Variants in CCSER1 observed in about 807,000 individuals in gnomAD.
CCSER1 encodes serine-rich coiled-coil domain-containing protein 1.
A neutral mutation model predicts 82.0 loss-of-function variants in CCSER1; 41 were observed. The observed-to-expected ratio is 0.50, with a 90% confidence interval of 0.39 to 0.65. The LOEUF (loss-of-function observed/expected upper bound fraction) is 0.65, where lower values mean the gene tolerates loss of function less well. CCSER1 is among the 30% of genes least tolerant of loss of function. CCSER1 has a pLI of 0.00. For synonymous variants in CCSER1, 414 were observed against 383.9 expected, an observed-to-expected ratio of 1.08 and a Z score of -0.92; for missense variants, 1,119 against 1,064.2, an observed-to-expected ratio of 1.05 and a Z score of -0.72.
At chr4:90,650,211 C>A in intron 6 of CCSER1, among the ~76,000 whole-genome samples, 1 of 149,678 alleles carries the variant, frequency 6.7e-6, no homozygotes, top group Admixed American at 6.6e-5. Context: ...AGCAAGACTC[C>A]GTCTCAAAAA....
chr4:90,681,889 TG>T (rs1733955378), intron 6 of CCSER1, among the ~76,000 whole-genome samples: 1 of 152,080 alleles, frequency 6.6e-6, no homozygotes, highest in Non-Finnish European at 1.5e-5. Flanking sequence ...TTTACCACCT[TG>T]GGAAATATAA....
chr4:91,422,844 T>G (rs1485145519), intron 10 of CCSER1, among the ~76,000 whole-genome samples: 2 of 152,162 alleles, frequency 1.3e-5, no homozygotes, highest in Non-Finnish European at 2.9e-5. Context: ...TCTATAACAG[T>G]AAAGCAGCTG....
chr4:90,265,790 G>A (rs1330061709), intron 1 of CCSER1, among the ~76,000 whole-genome samples: 2 of 152,058 alleles, frequency 1.3e-5, no homozygotes, highest in South Asian at 2.1e-4. Context: ...GGTCATAATT[G>A]TATTTCATTT....
At chr4:90,474,002 G>T (rs559316719) in intron 5 of CCSER1, among the ~76,000 whole-genome samples, 9 of 152,150 alleles carry the variant, frequency 5.9e-5, no homozygotes, top group Non-Finnish European at 8.8e-5. Context: ...TTAGCTGGGC[G>T]TGGTGGCGCA....
At chr4:90,844,756 T>A (rs1007897039) in intron 8 of CCSER1, among the ~76,000 whole-genome samples, 1 of 152,166 alleles carries the variant, frequency 6.6e-6, no homozygotes, top group Non-Finnish European at 1.5e-5. Flanking sequence ...TATATGCCTA[T>A]GGTTAATATC....
chr4:90,145,018 C>T (rs991549295), intron 1 of CCSER1, among the ~76,000 whole-genome samples: 1 of 152,006 alleles, frequency 6.6e-6, no homozygotes, highest in Non-Finnish European at 1.5e-5. Context: ...TTCTGGCTAC[C>T]TATAGTTTAA....
chr4:90,399,849 T>C (rs1248922885), intron 3 of CCSER1, among the ~76,000 whole-genome samples, 187 bp from the exon 4 acceptor site: 1 of 152,128 alleles, frequency 6.6e-6, no homozygotes, highest in East Asian at 1.9e-4. Context: ...GGTTTTAGAA[T>C]AAGTCTTGGA....
At chr4:90,141,041 T>TATCTATCC (rs1350549026) in intron 1 of CCSER1, among the ~76,000 whole-genome samples, 1 of 151,800 alleles carries the variant, frequency 6.6e-6, no homozygotes, top group African/African-American at 2.4e-5. Context: ...TCTATCTATC[T>TATCTATCC]ATCTATCTAT....
chr4:91,399,491 C>A (rs1019164890), intron 10 of CCSER1, among the ~76,000 whole-genome samples: 1 of 151,936 alleles, frequency 6.6e-6, no homozygotes, highest in Non-Finnish European at 1.5e-5. Flanking sequence ...TGCCTGTCTT[C>A]AGAGGGGTAA....
chr4:91,474,694 T>C (rs918725023), intron 10 of CCSER1, among the ~76,000 whole-genome samples: 1 of 150,164 alleles, frequency 6.7e-6, no homozygotes, highest in African/African-American at 2.4e-5. Flanking sequence ...ATCCTTTTCT[T>C]CTCTCAGTCT....
At chr4:91,548,971 CCTT>C (rs1296996942) in intron 10 of CCSER1, among the ~76,000 whole-genome samples, 1 of 152,040 alleles carries the variant, frequency 6.6e-6, no homozygotes, top group Non-Finnish European at 1.5e-5. Context: ...TCATGCTTCT[CCTT>C]CTGATATTCC....
chr4:91,582,876 T>C (rs567946789), intron 10 of CCSER1, among the ~76,000 whole-genome samples: 1 of 151,424 alleles, frequency 6.6e-6, no homozygotes, highest in African/African-American at 2.4e-5. Context: ...ATTGAGTCAC[T>C]TCTATGGTCC....
intron 9 of CCSER1, among the ~76,000 whole-genome samples, chr4:91,038,131 A>C (rs573063504): frequency 6.6e-6 from 1 of 152,320 alleles, no homozygotes; most frequent in Non-Finnish European, 1.5e-5. Flanking sequence ...CAGAGACCCA[A>C]ATGCTAGCAT....
chr4:90,484,715 C>CT (rs1331746928), intron 5 of CCSER1, among the ~76,000 whole-genome samples: 1 of 152,174 alleles, frequency 6.6e-6, no homozygotes, highest in African/African-American at 2.4e-5. Context: ...ATGCTGCTCC[C>CT]TGATGGTTCC....
intron 9 of CCSER1, among the ~76,000 whole-genome samples, chr4:91,064,393 G>C (rs1385981158): frequency 6.6e-6 from 1 of 152,188 alleles, no homozygotes; most frequent in Non-Finnish European, 1.5e-5. Context: ...CAAGAGAAAA[G>C]ACACATCCAG....
chr4:90,565,555 TG>T (rs1779264135), intron 5 of CCSER1, among the ~76,000 whole-genome samples: 1 of 152,212 alleles, frequency 6.6e-6, no homozygotes, highest in Admixed American at 6.5e-5. Context: ...CTATATTGAA[TG>T]GAAGTAGCGC....
chr4:90,249,335 T>TA lies in CCSER1; in HGVS notation c.-41-58908dup, dbSNP rs767585488. On this transcript the variant is annotated intron_variant, in intron 1 of 10. Transcript: ENST00000509176. Reference sequence around the variant, plus strand: ...ATATCAAATTGCTTATTAATAGTTTTATCAGGATGTAATTTACATGTTAAA... The same window carrying TA: ...ATATCAAATTGCTTATTAATAGTTTTAATCAGGATGTAATTTACATGTTAAA... Among the ~76,000 whole-genome samples, 9 of 152,212 alleles carry TA rather than the reference T, an allele frequency of 5.9e-5. No homozygotes were observed. The East Asian group carries it at 7.7e-4, about 13-fold the overall frequency.
intron 9 of CCSER1, among the ~76,000 whole-genome samples, chr4:91,017,841 G>GTGTGTGTGTGTT (rs1554057227): frequency 1.4e-5 from 2 of 142,338 alleles, no homozygotes; most frequent in African/African-American, 5.3e-5. Flanking sequence ...GTGTGTGTGT[G>GTGTGTGTGTGTT]TATAAATTTT....
At chr4:90,750,187 T>C (rs1748359295) in intron 7 of CCSER1, among the ~76,000 whole-genome samples, 1 of 152,036 alleles carries the variant, frequency 6.6e-6, no homozygotes, top group Non-Finnish European at 1.5e-5. Context: ...AGATTCTGGA[T>C]ATTAGCCCTT....
Sources: gnomAD v4.1 joint callset for allele counts (sites outside exome capture counted in the v4.1 genomes callset) on GRCh38, gnomAD v4.1.1 for gene constraint, MANE v1.5 for transcripts, NCBI Gene and HGNC (gene_info 2026-07-23, HGNC 2026-07-21) for gene names.